The following GAB2 variants were observed in gnomAD, a reference collection of about 807,000 sequenced individuals.
GAB2 encodes GRB2 associated binding protein 2.
In GAB2, 26 loss-of-function variants were observed where a neutral mutation model predicts 65.5. The ratio of observed to expected loss-of-function variants is 0.40; its 90% CI spans 0.29 to 0.55. The LOEUF is 0.55. Ranked by LOEUF, GAB2 falls within the 20% of genes least tolerant of loss-of-function variation. The pLI, the probability that GAB2 is intolerant of heterozygous loss-of-function variation, is 0.53. For synonymous variants in GAB2, 321 were observed against 329.6 expected (o/e 0.97, Z 0.28); for missense variants, 884 against 875.8 (o/e 1.01, Z -0.12).
intron 1 of GAB2, among the ~76,000 whole-genome samples, chr11:78,311,118 A>C (rs59116717): frequency 0.012 from 1,765 of 152,318 alleles, 34 homozygotes; most frequent in African/African-American, 0.04. Flanking sequence ...GGGGAAGCTA[A>C]AATATGGGCA....
intron 1 of GAB2, among the ~76,000 whole-genome samples, chr11:78,381,101 A>G (rs912917447): frequency 6.6e-6 from 1 of 152,184 alleles, no homozygotes; most frequent in Non-Finnish European, 1.5e-5. Context: ...GAATCTCACT[A>G]TTTAAGGTTG....
Position 78,226,908 on chromosome 11 carries a change from C to T in GAB2, c.764G>A (p.Ser255Asn). ...VHGFYSLPKP[S>N]RHNTEFRDST... Reference sequence around the variant, plus strand: ...GTCTCTGAATTCTGTATTGTGCCGGCTCGGCTTGGGAAGGCTATAGAAGCC... The same window carrying T: ...GTCTCTGAATTCTGTATTGTGCCGGTTCGGCTTGGGAAGGCTATAGAAGCC... The change falls in exon 4 of 10, where the codon AGC becomes AAC. Residue 255 changes from serine to asparagine, a missense_variant. Physicochemically the swap from Ser to Asn is conservative, Grantham distance 46 (BLOSUM62 1). Coordinates refer to ENST00000361507, the MANE Select transcript of GAB2 (RefSeq NM_080491.3). 1.2e-6 allele frequency: 2 copies of T among 1,614,040 alleles called. No homozygotes were observed. The highest frequency in any genetic ancestry group is 3.3e-4 in the Middle Eastern group (2 of 6,062).
At chr11:78,275,273 G>A (rs546019412) in intron 2 of GAB2, among the ~76,000 whole-genome samples, 17 of 152,136 alleles carry the variant, frequency 1.1e-4, no homozygotes, top group East Asian at 5.8e-4. Context: ...TTTTAGCCCC[G>A]GGGAGTTATA....
intron 1 of GAB2, among the ~76,000 whole-genome samples, chr11:78,407,766 A>G (rs1324050127): frequency 2.0e-5 from 3 of 151,702 alleles, no homozygotes; most frequent in Non-Finnish European, 4.4e-5. Flanking sequence ...GAAAGAAAGA[A>G]AGAGAGAGAA....
intron 1 of GAB2, among the ~76,000 whole-genome samples, chr11:78,398,209 GAC>G (rs1045877076): frequency 2.6e-5 from 4 of 152,182 alleles, no homozygotes; most frequent in Non-Finnish European, 5.9e-5. Flanking sequence ...ACTAAGGAAA[GAC>G]ACGCTGTCTA....
Position 78,221,681 on chromosome 11 carries a change from G to A in GAB2, c.1757C>T (p.Pro586Leu). The change falls in exon 8 of 10, where the codon CCT (proline) becomes CTT (leucine). Residue 586 changes from proline (P) to leucine (L), a missense_variant. By Grantham distance (98) the Pro-to-Leu change is moderately conservative (BLOSUM62 -3). Coordinates refer to ENST00000361507, the MANE Select transcript of GAB2 (RefSeq NM_080491.3). ...AGCGAAGCCCGAAGGACTCACCATA[G>A]GGACATAGTTCTCTTCGCTGTCTCC... ...DSGDSEENYV[P>L]MQNPVSASPV... The A allele has an allele frequency of 1.9e-6, 3 of 1,605,786 alleles. 1 individual carries two copies. Among genetic ancestry groups the A allele is most frequent in the Admixed American group, 3.3e-5 (2 of 59,904 alleles).
intron 3 of GAB2, among the ~76,000 whole-genome samples, chr11:78,230,056 G>A (rs1178128973): frequency 6.6e-6 from 1 of 152,202 alleles, no homozygotes; most frequent in Non-Finnish European, 1.5e-5. Context: ...TTTCCTTGAG[G>A]AAAGAAACTG....
intron 1 of GAB2, among the ~76,000 whole-genome samples, chr11:78,386,756 G>A (rs1045930509): frequency 1.3e-5 from 2 of 152,206 alleles, no homozygotes; most frequent in African/African-American, 4.8e-5. Flanking sequence ...AGTAAGGCAT[G>A]TGGCTTAGAG....
At chr11:78,335,794 G>T (rs989300644) in intron 1 of GAB2, among the ~76,000 whole-genome samples, 1 of 152,146 alleles carries the variant, frequency 6.6e-6, no homozygotes, top group African/African-American at 2.4e-5. Flanking sequence ...TATTTTGACA[G>T]GGAATGCATT....
intron 1 of GAB2, among the ~76,000 whole-genome samples, chr11:78,338,528 C>T (rs58947167): frequency 0.081 from 12,384 of 152,246 alleles, 1,555 homozygotes; most frequent in African/African-American, 0.27. Flanking sequence ...ACACTATGCG[C>T]TTTCTCTTAC....
At chr11:78,309,006 C>T (rs10899470) in intron 1 of GAB2, among the ~76,000 whole-genome samples, 23,842 of 152,064 alleles carry the variant, frequency 0.16, 2,426 homozygotes, top group East Asian at 0.4. Flanking sequence ...CAGCTAGTCA[C>T]GACAGTACAG....
At chr11:78,234,360 G>A (rs1240906934) in intron 3 of GAB2, among the ~76,000 whole-genome samples, 2 of 152,084 alleles carry the variant, frequency 1.3e-5, no homozygotes, top group Non-Finnish European at 2.9e-5. Flanking sequence ...TGGGATTACA[G>A]GCGTGAACTA....
At chr11:78,281,992 G>C (rs552111035) in intron 1 of GAB2, among the ~76,000 whole-genome samples, 1 of 152,338 alleles carries the variant, frequency 6.6e-6, no homozygotes, top group Non-Finnish European at 1.5e-5. Flanking sequence ...TGATGCCTTA[G>C]AAGAATCACA....
intron 3 of GAB2, among the ~76,000 whole-genome samples, chr11:78,249,260 A>G (rs1290951157): frequency 6.6e-6 from 1 of 152,256 alleles, no homozygotes; most frequent in East Asian, 1.9e-4. Context: ...GATTGGTTCA[A>G]ATGAGATTAT....
chr11:78,246,842 A>C (rs1865312459), intron 3 of GAB2, among the ~76,000 whole-genome samples: 1 of 152,166 alleles, frequency 6.6e-6, no homozygotes, highest in Non-Finnish European at 1.5e-5. Context: ...TTAGGCTCAG[A>C]CTGCAAGTTC....
chr11:78,265,178 T>C (rs1590979551), intron 2 of GAB2, among the ~76,000 whole-genome samples: 1 of 146,666 alleles, frequency 6.8e-6, no homozygotes, highest in Non-Finnish European at 1.5e-5. Flanking sequence ...TAAGACCCTA[T>C]GTAATAAACG....
At chr11:78,230,954 AC>A in intron 3 of GAB2, among the ~76,000 whole-genome samples, 1 of 152,198 alleles carries the variant, frequency 6.6e-6, no homozygotes, top group East Asian at 1.9e-4. Flanking sequence ...TGGATAATCC[AC>A]CTGGAAGTGG....
intron 1 of GAB2, among the ~76,000 whole-genome samples, chr11:78,395,126 C>T (rs920147390): frequency 3.3e-5 from 5 of 152,200 alleles, no homozygotes; most frequent in Admixed American, 2.6e-4. Flanking sequence ...CACCCCTACA[C>T]TCTCCAAGGT....
chr11:78,405,715 A>T (rs1325079631), intron 1 of GAB2, among the ~76,000 whole-genome samples: 1 of 152,174 alleles, frequency 6.6e-6, no homozygotes, highest in East Asian at 1.9e-4. Flanking sequence ...TAGGCGGCAG[A>T]TTTGCTAGGG....
Sources: gnomAD v4.1 joint callset for allele counts (sites outside exome capture counted in the v4.1 genomes callset) on GRCh38, gnomAD v4.1.1 for gene constraint, MANE v1.5 for transcripts, NCBI Gene and HGNC (gene_info 2026-07-23, HGNC 2026-07-21) for gene names.